The following MKLN1 variants were observed in gnomAD, a reference collection of about 807,000 sequenced individuals.
The protein encoded by MKLN1 is muskelin 1.
A neutral mutation model predicts 99.0 loss-of-function variants in MKLN1; 18 were observed. That is an observed-to-expected ratio of 0.18 (90% CI 0.13 to 0.27). The LOEUF is 0.27. MKLN1 is among the 10% of genes least tolerant of loss of function. The probability of loss-of-function intolerance (pLI) is 1.00; values close to 1 mark genes in which losing one functional copy is unlikely to be tolerated. For synonymous variants in MKLN1, 288 were observed against 293.2 expected (o/e 0.98, Z 0.18); for missense variants, 621 against 875.9 (o/e 0.71, Z 3.67).
chr7:131,309,594 G>A (rs1798525899), intron 3 of MKLN1: 2 of 152,002 alleles, frequency 1.3e-5, no homozygotes, highest in Admixed American at 1.3e-4. Flanking sequence ...TGTATTTTTA[G>A]TAGAGACAGG....
chr7:131,370,406 T>TGC (rs1800311806), intron 1 of MKLN1, among the ~76,000 whole-genome samples: 1 of 152,016 alleles, frequency 6.6e-6, no homozygotes, highest in Non-Finnish European at 1.5e-5. Context: ...TTTAAAGTCT[T>TGC]TAATTCTTAC....
chr7:131,319,104 C>T (rs139051771), intron 3 of MKLN1, among the ~76,000 whole-genome samples: 3,270 of 152,296 alleles, frequency 0.021, 107 homozygotes, highest in African/African-American at 0.074. Context: ...ATGAGGCCAG[C>T]GTCCTCCTGA....
chr7:131,278,303 G>T (rs891124606), intron 3 of MKLN1, among the ~76,000 whole-genome samples: 1 of 152,114 alleles, frequency 6.6e-6, no homozygotes, highest in Non-Finnish European at 1.5e-5. Context: ...CTTCCAAAAT[G>T]CTGGGATTAC....
At chr7:131,392,597 A>G (rs1794227482) in intron 4 of MKLN1, among the ~76,000 whole-genome samples, 1 of 150,286 alleles carries the variant, frequency 6.7e-6, no homozygotes, top group Non-Finnish European at 1.5e-5. Flanking sequence ...GATCTCTCAG[A>G]ACCTCTTTTT....
intron 1 of MKLN1, among the ~76,000 whole-genome samples, chr7:131,355,672 G>T (rs115108029): frequency 0.035 from 4,297 of 124,044 alleles, 208 homozygotes; most frequent in African/African-American, 0.12. Context: ...GGGGTTTTTT[G>T]TTTTTTTTTT....
At chr7:131,184,188 T>C (rs1301457228) in intron 2 of MKLN1, among the ~76,000 whole-genome samples, 1 of 152,054 alleles carries the variant, frequency 6.6e-6, no homozygotes, top group Admixed American at 6.5e-5. Flanking sequence ...ACAGGCATGA[T>C]CACAGGCATG....
intron 8 of MKLN1, among the ~76,000 whole-genome samples, chr7:131,417,422 G>T (rs142779305): frequency 6.6e-6 from 1 of 152,152 alleles, no homozygotes; most frequent in Admixed American, 6.5e-5. Context: ...GACAAAACTA[G>T]ATTTTTCAGC....
chr7:131,239,102 G>A (rs539821465), intron 3 of MKLN1, among the ~76,000 whole-genome samples: 1 of 152,250 alleles, frequency 6.6e-6, no homozygotes, highest in Admixed American at 6.5e-5. Flanking sequence ...GCAGAACCAA[G>A]ACAGGAATTT....
intron 2 of MKLN1, among the ~76,000 whole-genome samples, chr7:131,382,242 G>T (rs1316155780): frequency 6.6e-6 from 1 of 152,074 alleles, no homozygotes; most frequent in African/African-American, 2.4e-5. Flanking sequence ...GCTCATGCCT[G>T]TAATCTCAGC....
At chr7:131,363,015 A>G (rs748177907) in intron 1 of MKLN1, among the ~76,000 whole-genome samples, 47 of 151,908 alleles carry the variant, frequency 3.1e-4, no homozygotes, top group Non-Finnish European at 5.4e-4. Context: ...ATAATTAACA[A>G]TTTTCATCTT....
intron 2 of MKLN1, 76 bp from the exon 3 acceptor site, chr7:131,387,044 A>G: frequency 1.5e-6 from 2 of 1,358,838 alleles, no homozygotes; most frequent in Non-Finnish European, 1.0e-6. Context: ...TCTTCTGTTA[A>G]CTGGCAATAG....
At chr7:131,235,257 T>G (rs527971723) in intron 3 of MKLN1, among the ~76,000 whole-genome samples, 1 of 152,006 alleles carries the variant, frequency 6.6e-6, no homozygotes, top group African/African-American at 2.4e-5. Flanking sequence ...TTTGTGTGTG[T>G]GGGTGAGTGA....
chr7:131,111,285 G>A (rs763341908), intron 1 of MKLN1, among the ~76,000 whole-genome samples: 2 of 152,222 alleles, frequency 1.3e-5, no homozygotes, highest in African/African-American at 4.8e-5. Context: ...AAACTGCTCA[G>A]GGTGTTATTA....
chr7:131,471,641 G>T (rs749823571), intron 16 of MKLN1: 12 of 152,206 alleles, frequency 7.9e-5, no homozygotes, highest in Non-Finnish European at 1.6e-4. Flanking sequence ...CCTTTTCCAG[G>T]CATCCTTGTT....
chr7:131,188,691 T>C (rs930383924), intron 2 of MKLN1, among the ~76,000 whole-genome samples: 4 of 152,090 alleles, frequency 2.6e-5, no homozygotes, highest in Non-Finnish European at 5.9e-5. Context: ...AGACTCCAGC[T>C]CTTGATGGGA....
At chr7:131,158,798 G>T (rs1041100347) in intron 2 of MKLN1, among the ~76,000 whole-genome samples, 1 of 152,158 alleles carries the variant, frequency 6.6e-6, no homozygotes, top group Non-Finnish European at 1.5e-5. Flanking sequence ...AGTGCCATTG[G>T]CCAGAATTGC....
intron 3 of MKLN1, among the ~76,000 whole-genome samples, chr7:131,263,744 A>G (rs1010813275): frequency 5.9e-5 from 9 of 151,506 alleles, no homozygotes; most frequent in African/African-American, 1.7e-4. Context: ...TAATTTTTGT[A>G]TTTTTAGTAG....
intron 1 of MKLN1, among the ~76,000 whole-genome samples, chr7:131,330,131 G>A (rs1177121210): frequency 1.3e-5 from 2 of 152,170 alleles, no homozygotes; most frequent in African/African-American, 4.8e-5. Flanking sequence ...CTATAAGCAA[G>A]CAAGGATATT....
At chr7:131,220,679 T>A (rs1350532568) in intron 3 of MKLN1, among the ~76,000 whole-genome samples, 2 of 152,136 alleles carry the variant, frequency 1.3e-5, no homozygotes, top group Non-Finnish European at 2.9e-5. Flanking sequence ...CTCATGCTGA[T>A]CCTCTTCCTC....
Sources: allele counts gnomAD v4.1 joint callset (sites outside exome capture counted in the v4.1 genomes callset), GRCh38; gene constraint gnomAD v4.1.1; transcripts MANE v1.5; gene names NCBI Gene and HGNC (gene_info 2026-07-23, HGNC 2026-07-21).